Variants in SLC14A2 observed in about 807,000 individuals in gnomAD.
SLC14A2 encodes the protein urea transporter 2.
SLC14A2 carries 91 observed loss-of-function variants against 104.6 expected under a neutral mutation model. The observed-to-expected ratio is 0.87, with a 90% CI of 0.73 to 1.04. The LOEUF (loss-of-function observed/expected upper bound fraction) is 1.04, where lower values mean the gene tolerates loss of function less well. Among genes scored for constraint, SLC14A2 ranks in the 50% least tolerant of loss-of-function variants. SLC14A2 has a pLI of 0.00. For synonymous variants in SLC14A2, 476 were observed against 466.4 expected (o/e 1.02, Z -0.27); for missense variants, 1,189 against 1,156.0 (o/e 1.03, Z -0.41).
chr18:45,655,269 T>A (rs757351267), intron 10 of SLC14A2, among the ~76,000 whole-genome samples: 2 of 152,182 alleles, frequency 1.3e-5, no homozygotes, highest in African/African-American at 2.4e-5. Context: ...AGTTCTCTGA[T>A]CAGAGAATGG....
chr18:45,512,661 A>G (rs1477678745), intron 2 of SLC14A2, among the ~76,000 whole-genome samples: 1 of 152,094 alleles, frequency 6.6e-6, no homozygotes, highest in Non-Finnish European at 1.5e-5. Flanking sequence ...TTTCATTTGG[A>G]AGTTTGGTAA....
intron 2 of SLC14A2, among the ~76,000 whole-genome samples, chr18:45,535,313 T>C (rs1003704012): frequency 1.3e-5 from 2 of 152,188 alleles, no homozygotes; most frequent in African/African-American, 4.8e-5. Flanking sequence ...TTGAGCTGAA[T>C]GTGACAAATA....
At chr18:45,405,723 C>A (rs1488098643) in intron 1 of SLC14A2, among the ~76,000 whole-genome samples, 1 of 151,828 alleles carries the variant, frequency 6.6e-6, no homozygotes, top group African/African-American at 2.4e-5. Context: ...ATGGTGAAAC[C>A]CTGTCTCTAG....
At chr18:45,385,556 C>T (rs915761768) in intron 1 of SLC14A2, among the ~76,000 whole-genome samples, 2 of 152,058 alleles carry the variant, frequency 1.3e-5, no homozygotes, top group Admixed American at 6.5e-5. Flanking sequence ...TAGTAAGACC[C>T]GTATAATATT....
chr18:45,477,844 C>T (rs1466103779), intron 1 of SLC14A2, among the ~76,000 whole-genome samples: 2 of 152,186 alleles, frequency 1.3e-5, no homozygotes, highest in African/African-American at 2.4e-5. Context: ...CAACCAACCT[C>T]GAGCATCCCA....
chr18:45,612,671 A>G (rs1288045976), upstream of SLC14A2, among the ~76,000 whole-genome samples: 3 of 152,236 alleles, frequency 2.0e-5, no homozygotes, highest in African/African-American at 7.2e-5. Flanking sequence ...CCAAGGATGC[A>G]CAGCTAAGTA....
At chr18:45,629,075 G>A (rs2045304987) in intron 4 of SLC14A2, among the ~76,000 whole-genome samples, 1 of 152,214 alleles carries the variant, frequency 6.6e-6, no homozygotes, top group African/African-American at 2.4e-5. Flanking sequence ...AGGTCATGCT[G>A]TCCCCATCAT....
At chr18:45,574,468 C>A (rs980467778) in intron 2 of SLC14A2, among the ~76,000 whole-genome samples, 4 of 152,082 alleles carry the variant, frequency 2.6e-5, no homozygotes, top group African/African-American at 9.7e-5. Flanking sequence ...GAAAGCAGTA[C>A]CACCCTACAA....
intron 1 of SLC14A2, among the ~76,000 whole-genome samples, chr18:45,384,208 AAGG>A (rs2085869249): frequency 6.6e-6 from 1 of 152,122 alleles, no homozygotes; most frequent in Non-Finnish European, 1.5e-5. Flanking sequence ...ACTGCATTAA[AAGG>A]AGGAGTGAGA....
intron 2 of SLC14A2, among the ~76,000 whole-genome samples, chr18:45,562,729 G>A (rs1412856085): frequency 6.6e-6 from 1 of 151,794 alleles, no homozygotes; most frequent in Non-Finnish European, 1.5e-5. Context: ...CATTCAAGGA[G>A]AAAACAATTA....
At chr18:45,583,104 A>G (rs1014220629) in intron 2 of SLC14A2, among the ~76,000 whole-genome samples, 1 of 152,238 alleles carries the variant, frequency 6.6e-6, no homozygotes, top group Non-Finnish European at 1.5e-5. Context: ...AGGAAGGAGT[A>G]GAGCAAATAC....
chr18:45,543,226 G>A (rs897356014), intron 2 of SLC14A2, among the ~76,000 whole-genome samples: 2 of 152,078 alleles, frequency 1.3e-5, no homozygotes, highest in Admixed American at 6.6e-5. Context: ...GGGATTACAG[G>A]CATGAGCCAC....
chr18:45,606,949 G>C (rs371148700), intron 2 of SLC14A2, among the ~76,000 whole-genome samples: 1 of 152,112 alleles, frequency 6.6e-6, no homozygotes. Context: ...TTCCTGGAGG[G>C]CAGGAATCAT....
At chr18:45,412,086 T>A (rs2086221726) in intron 1 of SLC14A2, among the ~76,000 whole-genome samples, 1 of 151,236 alleles carries the variant, frequency 6.6e-6, no homozygotes, top group Non-Finnish European at 1.5e-5. Context: ...AGGAACCAAG[T>A]ATTTTGTTGT....
intron 2 of SLC14A2, among the ~76,000 whole-genome samples, chr18:45,497,020 C>A (rs1255091957): frequency 6.6e-6 from 1 of 152,140 alleles, no homozygotes; most frequent in Non-Finnish European, 1.5e-5. Flanking sequence ...CAGACTGAGC[C>A]ACTACCAGCT....
chr18:45,322,502 C>G lies in SLC14A2; in HGVS notation c.-125+109311C>G, dbSNP rs112617343. Among the ~76,000 whole-genome samples the G allele has an allele frequency of 1.1e-3, 162 of 152,332 alleles. 3 individuals are homozygous for G. Among genetic ancestry groups the G allele is most frequent in the Middle Eastern group, 6.8e-3 (2 of 294 alleles). Reference sequence around the variant, plus strand: ...CGTTCTGACATGTGGAATTTCCCATCAAAGTGAACACAATCGATTTGATAA... The same window carrying G: ...CGTTCTGACATGTGGAATTTCCCATGAAAGTGAACACAATCGATTTGATAA... On this transcript the variant is annotated intron_variant, in intron 1 of 20. Coordinates refer to the SLC14A2 transcript ENST00000586448.
intron 1 of SLC14A2, among the ~76,000 whole-genome samples, chr18:45,475,666 T>TATATATTTAGG (rs2087361737): frequency 6.9e-5 from 7 of 101,828 alleles, no homozygotes; most frequent in African/African-American, 1.8e-4. Flanking sequence ...TATATATATA[T>TATATATTTAGG]ATATATATAT....
chr18:45,663,704 G>C (rs1567999686), intron 10 of SLC14A2, 81 bp from the exon 11 acceptor site: 1 of 1,510,768 alleles, frequency 6.6e-7, no homozygotes, highest in African/African-American at 1.4e-5. Flanking sequence ...GCATCTGTGT[G>C]ATTTTTCCCA....
chr18:45,234,799 G>A (rs2084208860), intron 1 of SLC14A2, among the ~76,000 whole-genome samples: 1 of 152,112 alleles, frequency 6.6e-6, no homozygotes, highest in Non-Finnish European at 1.5e-5. Flanking sequence ...CTAATGGGAT[G>A]AATTATTTAT....
Sources: allele counts gnomAD v4.1 joint callset (sites outside exome capture counted in the v4.1 genomes callset), GRCh38; gene constraint gnomAD v4.1.1; transcripts MANE v1.5; gene names NCBI Gene and HGNC (gene_info 2026-07-23, HGNC 2026-07-21).